PTPRD: variants seen among roughly 807,000 people sequenced by gnomAD.
The protein encoded by PTPRD is protein tyrosine phosphatase receptor type D, also known as receptor-type tyrosine-protein phosphatase delta.
PTPRD carries 34 observed loss-of-function variants against 214.5 expected under a neutral mutation model. The ratio of observed to expected loss-of-function variants is 0.16; its 90% confidence interval spans 0.12 to 0.21. PTPRD has a LOEUF of 0.21. PTPRD is among the 10% of genes least tolerant of loss of function. The probability of loss-of-function intolerance (pLI) is 1.00; values close to 1 mark genes in which losing one functional copy is unlikely to be tolerated. For missense variants in PTPRD, 2,545 were observed against 2,398.7 expected (o/e 1.06, Z -1.27); for synonymous variants, 1,128 against 845.7 (o/e 1.33, Z -5.79).
chr9:9,180,571 C>T (rs1282873560), intron 10 of PTPRD, among the ~76,000 whole-genome samples: 1 of 151,928 alleles, frequency 6.6e-6, no homozygotes, highest in South Asian at 2.1e-4. Context: ...ACGTTGTGCA[C>T]ATGTACTCTA....
chr9:8,336,564 G>C lies in PTPRD; in HGVS notation c.5379+2358C>G, dbSNP rs1846961024. ...AGACTTCAGGACTAAAACACCAAAAGCAATGGCAACTAAAGCCAAAAGTGA... is the reference window on the plus strand; with the variant it reads ...AGACTTCAGGACTAAAACACCAAAACCAATGGCAACTAAAGCCAAAAGTGA... On this transcript the variant is annotated intron_variant, in intron 43 of 45. Coordinates refer to ENST00000381196, the MANE Select transcript of PTPRD (RefSeq NM_002839.4). Among the ~76,000 whole-genome samples the C allele has an allele frequency of 2.1e-5, 3 of 140,156 alleles. No individual in the cohort carries two copies. In the South Asian group the frequency reaches 6.9e-4, roughly 32 times the overall value. 91.9% of individuals were successfully genotyped at this position (140,156 alleles called of 152,430 possible). A position where few individuals can be genotyped will look rare whatever the true frequency, so the allele number is the denominator to read the frequency against.
intron 3 of PTPRD, among the ~76,000 whole-genome samples, chr9:10,212,570 A>G (rs1437466954): frequency 6.6e-6 from 1 of 152,138 alleles, no homozygotes; most frequent in East Asian, 1.9e-4. Context: ...TAAAAGCTCC[A>G]AATATTTACT....
chr9:8,752,829 C>A (rs1417944303), intron 11 of PTPRD, among the ~76,000 whole-genome samples: 1 of 152,050 alleles, frequency 6.6e-6, no homozygotes, highest in Non-Finnish European at 1.5e-5. Context: ...CAAGTTGAGC[C>A]CAGCTCAAAC....
chr9:8,598,217 C>T (rs772244975), intron 14 of PTPRD, among the ~76,000 whole-genome samples: 5 of 152,154 alleles, frequency 3.3e-5, no homozygotes, highest in Admixed American at 6.5e-5. Context: ...TCTGGGAGGC[C>T]GAGGAGGGCA....
chr9:9,560,980 A>ACT (rs776121599), intron 8 of PTPRD, among the ~76,000 whole-genome samples: 4 of 150,816 alleles, frequency 2.7e-5, no homozygotes, highest in Non-Finnish European at 5.9e-5. Context: ...GGTAGCCTTC[A>ACT]CTCTCTCTCT....
rs192634728 is a variant in PTPRD, at chr9:9,000,183, A to C, written c.-104+18514T>G. The stretch of plus-strand genomic sequence containing the variant: ...CTTTAAATTCCACCATTGGCGCTGC[A>C]TGTGGAGCTGCGTTCTGAATCACTC... On this transcript the variant is annotated intron_variant, in intron 11 of 45. Transcript: ENST00000381196. Among the ~76,000 whole-genome samples the C allele has an allele frequency of 3.0e-4, 45 of 152,182 alleles. 1 individual carries two copies. Among genetic ancestry groups the C allele is most frequent in the African/African-American group, 1.0e-3 (42 of 41,548 alleles).
chr9:10,331,761 G>A (rs1187849971), intron 3 of PTPRD, among the ~76,000 whole-genome samples: 2 of 151,794 alleles, frequency 1.3e-5, no homozygotes, highest in Non-Finnish European at 2.9e-5. Flanking sequence ...AAAATTTACT[G>A]TGTCCTTACT....
At chr9:9,711,569 G>T (rs1274378449) in intron 7 of PTPRD, among the ~76,000 whole-genome samples, 2 of 152,106 alleles carry the variant, frequency 1.3e-5, no homozygotes, top group Non-Finnish European at 2.9e-5. Context: ...TATACTGAGA[G>T]TATACTATTT....
At chr9:10,435,942 TTG>T (rs1453989596) in intron 2 of PTPRD, among the ~76,000 whole-genome samples, 2 of 151,784 alleles carry the variant, frequency 1.3e-5, no homozygotes, top group Non-Finnish European at 2.9e-5. Flanking sequence ...GTACCTATTT[TTG>T]TGTTTCAAAA....
At chr9:10,273,650 G>C (rs2094533021) in intron 3 of PTPRD, among the ~76,000 whole-genome samples, 1 of 152,030 alleles carries the variant, frequency 6.6e-6, no homozygotes, top group South Asian at 2.1e-4. Flanking sequence ...TAGAAATAGA[G>C]AATGACTTCT....
chr9:10,583,941 C>T (rs1329123507), intron 2 of PTPRD, among the ~76,000 whole-genome samples: 3 of 152,168 alleles, frequency 2.0e-5, no homozygotes, highest in Non-Finnish European at 2.9e-5. Flanking sequence ...GTCTACCTTT[C>T]TTCCCACTGA....
intron 10 of PTPRD, among the ~76,000 whole-genome samples, chr9:9,174,118 T>G (rs1397760227): frequency 1.3e-5 from 2 of 152,122 alleles, no homozygotes; most frequent in Non-Finnish European, 2.9e-5. Flanking sequence ...GAAATATATT[T>G]GTTTATACCA....
At chr9:10,184,709 T>G (rs1231225551) in intron 3 of PTPRD, among the ~76,000 whole-genome samples, 1 of 152,190 alleles carries the variant, frequency 6.6e-6, no homozygotes, top group Non-Finnish European at 1.5e-5. Context: ...ACCTCTCTTC[T>G]TCTGGTTTAT....
At chr9:8,377,620 G>T (rs1482480511) in intron 37 of PTPRD, among the ~76,000 whole-genome samples, 1 of 151,682 alleles carries the variant, frequency 6.6e-6, no homozygotes, top group Non-Finnish European at 1.5e-5. Context: ...TTTTTAATGG[G>T]ACTAATTCTT....
chr9:9,942,561 G>A (rs919374932), intron 4 of PTPRD, among the ~76,000 whole-genome samples: 3 of 152,060 alleles, frequency 2.0e-5, no homozygotes, highest in Admixed American at 6.6e-5. Flanking sequence ...ATCAGATATA[G>A]TGCCCAATTT....
At chr9:8,513,638 C>T (rs2097725727) in intron 21 of PTPRD, among the ~76,000 whole-genome samples, 1 of 151,838 alleles carries the variant, frequency 6.6e-6, no homozygotes. Context: ...TAATCATATC[C>T]TTAAATTTTA....
intron 2 of PTPRD, among the ~76,000 whole-genome samples, chr9:10,503,844 C>A (rs1362878660): frequency 6.6e-6 from 1 of 151,634 alleles, no homozygotes; most frequent in East Asian, 1.9e-4. Flanking sequence ...AGGCTGGGCG[C>A]GGGGGCTCAC....
chr9:8,496,792 G>A (rs979011491), intron 26 of PTPRD, among the ~76,000 whole-genome samples: 10 of 152,174 alleles, frequency 6.6e-5, no homozygotes, highest in African/African-American at 2.4e-4. Flanking sequence ...TATCCAACAT[G>A]CAGCCCAACA....
At chr9:9,838,709 T>C (rs1338618024) in intron 5 of PTPRD, among the ~76,000 whole-genome samples, 1 of 152,056 alleles carries the variant, frequency 6.6e-6, no homozygotes, top group Non-Finnish European at 1.5e-5. Context: ...CTCCCATTTT[T>C]TTAGGTTGCC....
Sources: allele counts gnomAD v4.1 joint callset (sites outside exome capture counted in the v4.1 genomes callset), GRCh38; gene constraint gnomAD v4.1.1; transcripts MANE v1.5; gene names NCBI Gene and HGNC (gene_info 2026-07-23, HGNC 2026-07-21).